The following CCNT2 variants were observed in gnomAD, a reference collection of about 807,000 sequenced individuals.
CCNT2 encodes the protein cyclin-T2.
A neutral mutation model predicts 70.0 loss-of-function variants in CCNT2; 18 were observed. The ratio of observed to expected loss-of-function variants is 0.26; its 90% confidence interval spans 0.18 to 0.38. The LOEUF is 0.38. Ranked by LOEUF, CCNT2 falls within the 10% of genes least tolerant of loss-of-function variation. The pLI, the probability that CCNT2 is intolerant of heterozygous loss-of-function variation, is 1.00. For synonymous variants in CCNT2, 334 were observed against 313.3 expected (o/e 1.07, Z -0.70); for missense variants, 734 against 890.2 (o/e 0.82, Z 2.23).
Position 134,918,954 on chromosome 2 carries a change from C to G in CCNT2, c.100C>G (p.Leu34Val), listed in dbSNP as rs1029256280. Residue 34 changes from leucine (L) to valine (V), a missense_variant, in exon 1 of 9, where the codon CTC becomes GTC. By Grantham distance (32) the Leu-to-Val change is conservative (BLOSUM62 1). Around this residue, in one of 3 missense-constraint regions of CCNT2, gnomAD observed 161 missense variants for 303.8 expected, o/e 0.53. Transcript: ENST00000264157. ...RRCGVEADKE[L>V]SCRQQAANLI... ...CTGCGGAGTGGAGGCGGATAAAGAG[C>G]TCTCGTGCCGCCAGCAGGCGGCCAA... 4 of 1,613,936 alleles carry G rather than the reference C, an allele frequency of 2.5e-6. No homozygotes were observed. Among genetic ancestry groups the G allele is most frequent in the Non-Finnish European group, 3.4e-6 (4 of 1,179,950 alleles).
chr2:134,940,767 T>C (rs1681523930), intron 4 of CCNT2, among the ~76,000 whole-genome samples: 1 of 152,160 alleles, frequency 6.6e-6, no homozygotes, highest in South Asian at 2.1e-4. Context: ...AAACTTGGAT[T>C]AATACCATGG....
At chr2:134,944,499 T>C (rs577292266) in intron 5 of CCNT2, 1 of 965,170 alleles carries the variant, frequency 1.0e-6, no homozygotes, top group East Asian at 1.2e-4. Context: ...AACTAAAAAT[T>C]CTAGAGACAT....
chr2:134,933,674 A>G (rs1239463986), intron 2 of CCNT2, among the ~76,000 whole-genome samples: 2 of 152,214 alleles, frequency 1.3e-5, no homozygotes, highest in East Asian at 1.9e-4. Flanking sequence ...AATTAAGTTT[A>G]CCTGTGAAAG....
intron 7 of CCNT2, among the ~76,000 whole-genome samples, chr2:134,950,822 A>G (rs1335566492): frequency 6.6e-6 from 1 of 152,194 alleles, no homozygotes. Flanking sequence ...GCATATAGCT[A>G]ATTAATTATG....
chr2:134,944,949 T>G, intron 5 of CCNT2: 1 of 985,296 alleles, frequency 1.0e-6, no homozygotes, highest in Non-Finnish European at 1.2e-6. Context: ...AAATTTGATT[T>G]CTGTGAAGTC....
intron 4 of CCNT2, among the ~76,000 whole-genome samples, chr2:134,941,387 A>G (rs1469281228): frequency 3.9e-5 from 6 of 152,250 alleles, no homozygotes. Context: ...GTAAAAATAC[A>G]GTATATGATA....
At chr2:134,943,753 G>C in intron 5 of CCNT2, 1 of 985,030 alleles carries the variant, frequency 1.0e-6, no homozygotes, top group Non-Finnish European at 1.2e-6. Context: ...CCACTTTCCT[G>C]TTTCCATTTC....
intron 5 of CCNT2, chr2:134,944,399 G>C (rs1304889472): frequency 2.1e-6 from 2 of 966,194 alleles, no homozygotes; most frequent in African/African-American, 1.8e-5. Flanking sequence ...ATTAACTTAG[G>C]AAATTGGATT....
chr2:134,928,932 T>A (rs1160600928), intron 2 of CCNT2, among the ~76,000 whole-genome samples: 1 of 152,190 alleles, frequency 6.6e-6, no homozygotes, highest in African/African-American at 2.4e-5. Flanking sequence ...GGTAGATATT[T>A]CAGTTACTTT....
At chr2:134,931,681 A>G (rs939711914) in intron 2 of CCNT2, among the ~76,000 whole-genome samples, 1 of 152,202 alleles carries the variant, frequency 6.6e-6, no homozygotes, top group Non-Finnish European at 1.5e-5. Flanking sequence ...GTTCGAAGGA[A>G]AGTGGCCTTT....
chr2:134,919,750 A>G, intron 1 of CCNT2, 60 bp from the exon 2 acceptor site: 1 of 1,328,612 alleles, frequency 7.5e-7, no homozygotes, highest in South Asian at 1.3e-5. Context: ...TTTTCCATCA[A>G]AATTGTTCTG....
intron 2 of CCNT2, among the ~76,000 whole-genome samples, chr2:134,931,262 C>CTTTTTTTTTTTTTTTTTT (rs112471982): frequency 0.013 from 537 of 42,410 alleles, 85 homozygotes; most frequent in South Asian, 0.021. Flanking sequence ...ATGCCCGGAT[C>CTTTTTTTTTTTTTTTTTT]TTTTTTTTTT....
chr2:134,943,108 T>C (rs1415201821), intron 5 of CCNT2: 23 of 985,054 alleles, frequency 2.3e-5, no homozygotes, highest in East Asian at 2.3e-4. Context: ...AAATTGCCTT[T>C]GTTAAAAGAT....
intron 2 of CCNT2, among the ~76,000 whole-genome samples, chr2:134,933,014 T>C (rs1680894016): frequency 1.3e-5 from 2 of 152,204 alleles, no homozygotes; most frequent in Admixed American, 6.5e-5. Context: ...AAAATAGTTA[T>C]CCTAGTGTTA....
intron 3 of CCNT2, among the ~76,000 whole-genome samples, chr2:134,938,514 G>A (rs916966986): frequency 8.5e-5 from 13 of 152,092 alleles, no homozygotes; most frequent in African/African-American, 3.1e-4. Context: ...GGTATGTTTG[G>A]TCATTTCTAA....
At position 134,954,648 on chromosome 2, in the gene CCNT2, A is replaced by G. The variant is rs1409142978; in HGVS notation, c.2193A>G (p.Ter731=). Residue 731 remains the stop codon, a stop_retained_variant, in exon 9 of 9, where the codon TAA becomes TAG. Transcript: ENST00000264157. ...TAAGTGCCCAAGGAATGAACATGTA[A>G]TAATTTGTTTAGGTCAATTTTTCCT... ...SLLSAQGMNM[*] is the part of the protein sequence containing the mutation. 6.3e-7 allele frequency: 1 copy of G among 1,580,716 alleles called. No individual in the cohort carries two copies. Among genetic ancestry groups the G allele is most frequent in the Admixed American group, 1.8e-5 (1 of 56,700 alleles).
At chr2:134,950,597 A>G (rs1373400150) in intron 7 of CCNT2, among the ~76,000 whole-genome samples, 1 of 152,132 alleles carries the variant, frequency 6.6e-6, no homozygotes. Context: ...TGATAATGCT[A>G]CTGCTCTCCA....
At chr2:134,944,721 A>G in intron 5 of CCNT2, 2 of 984,522 alleles carry the variant, frequency 2.0e-6, no homozygotes, top group Non-Finnish European at 2.4e-6. Flanking sequence ...ATCTCACTCC[A>G]TTTTAAAAGT....
chr2:134,958,589 TG>T lies in CCNT2; in HGVS notation c.*3942del, dbSNP rs1186335285. On this transcript the variant is annotated 3_prime_UTR_variant, in exon 9 of 9. Transcript: ENST00000264157. ...TGATACTAATTTGAGAATCACATTC[TG>T]ATACGTTAATATCAGAAATCAGTGA... The T allele has an allele frequency of 6.6e-6, 1 of 152,254 alleles. No individual in the cohort carries two copies. Among genetic ancestry groups the T allele is most frequent in the Non-Finnish European group, 1.5e-5 (1 of 68,032 alleles). The allele number at this position is 152,254 out of a possible 1,614,324, so 9.4% of individuals were successfully genotyped here.
Sources: allele counts gnomAD v4.1 joint callset (sites outside exome capture counted in the v4.1 genomes callset), GRCh38; gene constraint gnomAD v4.1.1; regional missense constraint gnomAD v4.1.1; transcripts MANE v1.5; gene names NCBI Gene and HGNC (gene_info 2026-07-23, HGNC 2026-07-21).